Variants in PCDHGA1 observed in about 807,000 individuals in gnomAD.
PCDHGA1 encodes protocadherin gamma-A1.
Under a neutral mutation model 58.0 loss-of-function variants are expected in PCDHGA1, and 32 were observed. The observed-to-expected ratio is 0.55, with a 90% confidence interval of 0.42 to 0.74. The LOEUF is 0.74. Ranked by LOEUF, PCDHGA1 falls within the 30% of genes least tolerant of loss-of-function variation. The pLI is 0.00. For synonymous variants in PCDHGA1, 498 were observed against 501.1 expected (o/e 0.99, Z 0.08); for missense variants, 1,205 against 1,182.3 (o/e 1.02, Z -0.28).
At chr5:141,483,772 G>C (rs2099586910) in intron 1 of PCDHGA1, among the ~76,000 whole-genome samples, 1 of 152,140 alleles carries the variant, frequency 6.6e-6, no homozygotes, top group Non-Finnish European at 1.5e-5. Flanking sequence ...AAAAATATTG[G>C]GGAAGGATAA....
chr5:141,364,729 C>A, intron 1 of PCDHGA1: 2 of 1,613,898 alleles, frequency 1.2e-6, no homozygotes, highest in Non-Finnish European at 1.7e-6. Flanking sequence ...TCCCGCGTTT[C>A]CGGGATGAAG....
chr5:141,494,936 G>C, intron 2 of PCDHGA1, 71 bp downstream of exon 2: 1 of 1,612,574 alleles, frequency 6.2e-7, no homozygotes, highest in South Asian at 1.1e-5. Flanking sequence ...GGAGGAGATG[G>C]GGGAGGGCCC....
intron 1 of PCDHGA1, among the ~76,000 whole-genome samples, chr5:141,401,154 C>A (rs753624238): frequency 6.6e-5 from 10 of 152,086 alleles, no homozygotes; most frequent in Non-Finnish European, 1.5e-4. Context: ...CCAGCCTGGG[C>A]AATATGGTGA....
At chr5:141,407,222 C>CA (rs895046980) in intron 1 of PCDHGA1, among the ~76,000 whole-genome samples, 4 of 151,730 alleles carry the variant, frequency 2.6e-5, no homozygotes, top group African/African-American at 7.2e-5. Flanking sequence ...AAGTGGGTAG[C>CA]AAAAAAAATA....
rs1431704673 is a variant in PCDHGA1, at chr5:141,331,928, T to C, written c.1244T>C (p.Ile415Thr). Residue 415 changes from isoleucine to threonine, a missense_variant, in exon 1 of 4, where the codon ATC becomes ACC. Physicochemically the swap from Ile to Thr is moderately conservative, Grantham distance 89 (BLOSUM62 -1). Transcript: ENST00000517417. Reference sequence around the variant, plus strand: ...GAAAGAACACTGGACAGAGAACTTATCTCTGGGTACAACATCACAATAACA... The same window carrying C: ...GAAAGAACACTGGACAGAGAACTTACCTCTGGGTACAACATCACAATAACA... ...VTERTLDREL[I>T]SGYNITITAI... 2 of 1,614,046 alleles carry C rather than the reference T, an allele frequency of 1.2e-6. No homozygotes were observed. The highest frequency in any genetic ancestry group is 1.3e-5 in the African/African-American group (1 of 74,910).
intron 1 of PCDHGA1, chr5:141,422,628 C>A: frequency 6.2e-7 from 1 of 1,613,410 alleles, no homozygotes; most frequent in Non-Finnish European, 8.5e-7. Context: ...AAAACAACCC[C>A]AGGGGTGCCT....
chr5:141,414,420 C>G, intron 1 of PCDHGA1: 1 of 1,613,822 alleles, frequency 6.2e-7, no homozygotes, highest in Non-Finnish European at 8.5e-7. Flanking sequence ...GAGCCCTTGA[C>G]AGGGAACAGG....
chr5:141,351,224 G>A, intron 1 of PCDHGA1: 1 of 1,614,036 alleles, frequency 6.2e-7, no homozygotes, highest in East Asian at 2.2e-5. Context: ...GGATGGAGGA[G>A]TACACACAGC....
chr5:141,493,679 G>C lies in PCDHGA1; in HGVS notation c.2422-1128G>C. On this transcript the variant is annotated intron_variant, in intron 1 of 3. Transcript: ENST00000517417. This position sits in a 1 kb window ranked among gnomAD's most constrained non-coding sequence, Gnocchi z 4.3. ...CCTTCTCCATGGCAGCCCCAGAATG[G>C]TGCTGGTGACTCCCGATACACCTGG... Among the ~76,000 whole-genome samples the C allele has an allele frequency of 6.6e-6, 1 of 152,198 alleles. No individual in the cohort carries two copies. Among genetic ancestry groups the C allele is most frequent in the African/African-American group, 2.4e-5 (1 of 41,446 alleles).
chr5:141,366,392 G>A (rs1474350947), intron 1 of PCDHGA1: 24 of 1,614,020 alleles, frequency 1.5e-5, no homozygotes, highest in Non-Finnish European at 1.9e-5. Flanking sequence ...TGAGGATCTG[G>A]ACCTCACACT....
intron 1 of PCDHGA1, among the ~76,000 whole-genome samples, chr5:141,348,981 A>G (rs1758215377): frequency 6.6e-6 from 1 of 152,100 alleles, no homozygotes; most frequent in Admixed American, 6.6e-5. Context: ...GTGTCTAAGA[A>G]CTCTGAATAC....
chr5:141,447,864 T>A (rs2098553913), intron 1 of PCDHGA1, among the ~76,000 whole-genome samples: 1 of 152,098 alleles, frequency 6.6e-6, no homozygotes, highest in Non-Finnish European at 1.5e-5. Context: ...GGTGGGTGAA[T>A]CATCTGAGGT....
At chr5:141,339,800 G>C (rs769034523) in intron 1 of PCDHGA1, 37 of 1,614,112 alleles carry the variant, frequency 2.3e-5, no homozygotes, top group Non-Finnish European at 3.1e-5. Flanking sequence ...CTACGCTCAA[G>C]TGGTATATTT....
intron 1 of PCDHGA1, chr5:141,360,591 T>A: frequency 6.2e-7 from 1 of 1,613,982 alleles, no homozygotes; most frequent in African/African-American, 1.3e-5. Flanking sequence ...GTACAACATT[T>A]CCACTTGACC....
intron 1 of PCDHGA1, among the ~76,000 whole-genome samples, chr5:141,368,447 C>T (rs1257309487): frequency 1.3e-5 from 2 of 152,048 alleles, no homozygotes; most frequent in African/African-American, 4.8e-5. Flanking sequence ...AATGTACAAA[C>T]TCACCGAATA....
intron 1 of PCDHGA1, chr5:141,420,464 C>A: frequency 1.2e-6 from 1 of 801,488 alleles, no homozygotes; most frequent in South Asian, 4.0e-5. Flanking sequence ...TATTCAAAGA[C>A]ATTTTAAAGC....
Position 141,432,759 on chromosome 5 carries a change from G to A in PCDHGA1, c.2422-62048G>A. 6.2e-7 allele frequency: 1 copy of A among 1,614,150 alleles called. No individual in the cohort carries two copies. The highest frequency in any genetic ancestry group is 8.5e-7 in the Non-Finnish European group (1 of 1,180,006). On this transcript the variant is annotated intron_variant, in intron 1 of 3. Coordinates refer to ENST00000517417, the MANE Select transcript of PCDHGA1 (RefSeq NM_018912.3). This position sits in a 1 kb window ranked among gnomAD's most constrained non-coding sequence, Gnocchi z 6.0. ...ACGCTCACCGTGGCCGTGGCCGACA[G>A]CATCCCCCAAGTCCTGGCGGACCTC...
intron 2 of PCDHGA1, among the ~76,000 whole-genome samples, chr5:141,495,270 G>C (rs1428903664): frequency 1.3e-5 from 2 of 152,178 alleles, no homozygotes; most frequent in Non-Finnish European, 2.9e-5. Context: ...GCATTTGACC[G>C]GAGGAGGCGG....
At chr5:141,389,736 G>C in intron 1 of PCDHGA1, 1 of 1,612,710 alleles carries the variant, frequency 6.2e-7, no homozygotes, top group Non-Finnish European at 8.5e-7. Context: ...CTTCAGCCTG[G>C]GGCTGCGCAC....
Sources: gnomAD v4.1 joint callset for allele counts (sites outside exome capture counted in the v4.1 genomes callset) on GRCh38, gnomAD v4.1.1 for gene constraint, Gnocchi (gnomAD v3.1) non-coding constraint, MANE v1.5 for transcripts, NCBI Gene and HGNC (gene_info 2026-07-23, HGNC 2026-07-21) for gene names.